Variants in FAR2 observed in about 807,000 individuals in gnomAD.
FAR2 encodes the protein epididymis secretory protein Li 81.
A neutral mutation model predicts 56.0 loss-of-function variants in FAR2; 19 were observed. That is an observed-to-expected ratio of 0.34 (90% CI 0.24 to 0.50). The LOEUF (loss-of-function observed/expected upper bound fraction) is 0.50. FAR2 is among the 20% of genes least tolerant of loss of function. The probability of loss-of-function intolerance (pLI) is 0.98; values close to 1 mark genes in which losing one functional copy is unlikely to be tolerated. For missense variants in FAR2, 508 were observed against 642.2 expected, an observed-to-expected ratio of 0.79 and a Z score of 2.26; for synonymous variants, 219 against 218.8, an observed-to-expected ratio of 1.00 and a Z score of -0.01.
chr12:29,150,287 G>GGTTGA (rs1323766826), intron 1 of FAR2, among the ~76,000 whole-genome samples: 1 of 152,186 alleles, frequency 6.6e-6, no homozygotes. Flanking sequence ...TTTCTTCCAC[G>GGTTGA]GTTGAGTTAT....
chr12:29,150,964 C>G (rs982012131), intron 1 of FAR2, among the ~76,000 whole-genome samples: 1 of 152,046 alleles, frequency 6.6e-6, no homozygotes, highest in Non-Finnish European at 1.5e-5. Flanking sequence ...ATGTGACATC[C>G]AGTTACAGAG....
chr12:29,239,428 A>G (rs1947990896), intron 1 of FAR2, among the ~76,000 whole-genome samples: 1 of 149,400 alleles, frequency 6.7e-6, no homozygotes, highest in South Asian at 2.1e-4. Flanking sequence ...TATCTGGCCA[A>G]TGTGCCACAG....
chr12:29,165,635 C>T lies in FAR2; in HGVS notation c.-39+16228C>T, dbSNP rs144589440. Among the ~76,000 whole-genome samples, 212 of 152,174 alleles carry T rather than the reference C, an allele frequency of 1.4e-3. 1 individual carries two copies. The South Asian group carries it at 0.02, about 14-fold the overall frequency. ...TCTATTAAAAGTAGCATCATATTTG[C>T]CTGAAAATCAATGAAAAATGATTTT... is the stretch of plus-strand genomic sequence containing the variant. On this transcript the variant is annotated intron_variant, in intron 1 of 11. Transcript: ENST00000536681.
intron 2 of FAR2, among the ~76,000 whole-genome samples, chr12:29,286,176 T>C (rs922226077): frequency 6.6e-5 from 10 of 152,120 alleles, no homozygotes; most frequent in African/African-American, 1.9e-4. Flanking sequence ...TTTCCTATTA[T>C]TAGGGAACTA....
chr12:29,297,112 A>C lies in FAR2; in HGVS notation c.457A>C (p.Thr153Pro), dbSNP rs1184866050. 1 of 1,613,984 alleles carries C rather than the reference A, an allele frequency of 6.2e-7. No individual in the cohort carries two copies. Among genetic ancestry groups the C allele is most frequent in the Non-Finnish European group, 8.5e-7 (1 of 1,179,934 alleles). ...GCTGGAAGCCTTTATACATATCTCT[A>C]CTGCCTATTCAAATTGTAACCTGAA... The part of the protein sequence containing the change: ...PKLEAFIHIS[T>P]AYSNCNLKHI... Residue 153 changes from threonine to proline, a missense_variant, in exon 4 of 12, where the codon ACT (threonine) becomes CCT (proline). By Grantham distance (38) the Thr-to-Pro change is conservative (BLOSUM62 -1). Transcript: ENST00000536681.
At position 29,220,296 on chromosome 12, in the gene FAR2, C is replaced by T. The variant is rs982665025; in HGVS notation, c.-38-50116C>T. Among the ~76,000 whole-genome samples the T allele has an allele frequency of 3.3e-5, 5 of 152,178 alleles. No individual in the cohort carries two copies. In the East Asian group the frequency reaches 5.8e-4, roughly 18 times the overall value. The stretch of plus-strand genomic sequence containing the variant: ...GCATCACCCACTCAAAGCTCTTTCC[C>T]GGAGTACAGTGCAAGACTTAGTCTA... On this transcript the variant is annotated intron_variant, in intron 1 of 11. Coordinates refer to ENST00000536681, the MANE Select transcript of FAR2 (RefSeq NM_001271783.2).
Position 29,333,772 on chromosome 12 carries a change from C to T in FAR2, c.1526C>T (p.Ala509Val). ...TATAAATTCCTCTCCTACTTTAGAG[C>T]ATCCAGCACGCTCAAAGTTTAAGAG... ...FCYKFLSYFR[A>V]SSTLKV The change falls in exon 12 of 12, where the codon GCA becomes GTA. Residue 509 changes from alanine to valine, a missense_variant. Coordinates refer to ENST00000536681, the MANE Select transcript of FAR2 (RefSeq NM_001271783.2). 1 of 1,613,662 alleles carries T rather than the reference C, an allele frequency of 6.2e-7. No individual in the cohort carries two copies. Among genetic ancestry groups the T allele is most frequent in the South Asian group, 1.1e-5 (1 of 91,036 alleles).
intron 1 of FAR2, among the ~76,000 whole-genome samples, chr12:29,156,102 T>G (rs748332726): frequency 2.4e-4 from 37 of 151,760 alleles, no homozygotes; most frequent in Non-Finnish European, 3.8e-4. Context: ...GTGCAGGGTG[T>G]GGGGAGGTGG....
At chr12:29,200,968 CTG>C in intron 1 of FAR2, among the ~76,000 whole-genome samples, 1 of 152,234 alleles carries the variant, frequency 6.6e-6, no homozygotes, top group African/African-American at 2.4e-5. Flanking sequence ...AGGAGAATAT[CTG>C]TGTGTCAGTG....
At chr12:29,153,140 C>G (rs1223407579) in intron 1 of FAR2, among the ~76,000 whole-genome samples, 1 of 152,110 alleles carries the variant, frequency 6.6e-6, no homozygotes, top group Non-Finnish European at 1.5e-5. Context: ...AGATGTGTTC[C>G]CTATTTTTTT....
intron 9 of FAR2, among the ~76,000 whole-genome samples, chr12:29,321,385 C>T (rs991483462): frequency 6.6e-6 from 1 of 152,010 alleles, no homozygotes; most frequent in Non-Finnish European, 1.5e-5. Context: ...ATTAGCTGGG[C>T]CCCACTGCGC....
rs569028806 is a variant in FAR2, at chr12:29,321,743, G to C, written c.1128-52G>C. ...ATAATTTCTCATACATCCCTGTAGA[G>C]TGACAGGGAAGTGGTGCGCTGATAT... On this transcript the variant is annotated intron_variant, in intron 9 of 11. Transcript: ENST00000536681. 9.8e-5 allele frequency: 156 copies of C among 1,589,612 alleles called. 1 individual carries two copies. The African/African-American group carries it at 1.8e-3, about 18-fold the overall frequency.
chr12:29,185,601 A>T (rs1270135698), intron 1 of FAR2, among the ~76,000 whole-genome samples: 1 of 152,226 alleles, frequency 6.6e-6, no homozygotes, highest in Non-Finnish European at 1.5e-5. Flanking sequence ...ATCAAGACAA[A>T]AAAGGGAGTT....
chr12:29,328,026 A>G (rs1167171553), intron 10 of FAR2, among the ~76,000 whole-genome samples: 13 of 152,234 alleles, frequency 8.5e-5, no homozygotes, highest in Admixed American at 8.5e-4. Flanking sequence ...GCTAATATCC[A>G]GAATCTACAA....
At chr12:29,253,585 A>C (rs1393260486) in intron 1 of FAR2, among the ~76,000 whole-genome samples, 1 of 152,132 alleles carries the variant, frequency 6.6e-6, no homozygotes, top group Non-Finnish European at 1.5e-5. Flanking sequence ...TTGGCTTACT[A>C]TCCATTCAGT....
chr12:29,298,491 A>T (rs1408678426), intron 4 of FAR2, among the ~76,000 whole-genome samples: 1 of 152,176 alleles, frequency 6.6e-6, no homozygotes, highest in African/African-American at 2.4e-5. Flanking sequence ...CTGAGAATAG[A>T]TATTTTTGTC....
rs370047306 is a variant in FAR2, at chr12:29,192,943, A to G, written c.-39+43536A>G. Among the ~76,000 whole-genome samples, 20 of 152,316 alleles carry G rather than the reference A, an allele frequency of 1.3e-4. No individual in the cohort carries two copies. The East Asian group carries it at 3.5e-3, about 26-fold the overall frequency. ...ATATACAAATGTGTAATTATCATCCACACCGTACATATTAAGAGATGTCTT... is the reference window on the plus strand; with the variant it reads ...ATATACAAATGTGTAATTATCATCCGCACCGTACATATTAAGAGATGTCTT... On this transcript the variant is annotated intron_variant, in intron 1 of 11. Transcript: ENST00000536681.
intron 1 of FAR2, among the ~76,000 whole-genome samples, chr12:29,200,523 C>A (rs1947394508): frequency 6.6e-6 from 1 of 152,188 alleles, no homozygotes; most frequent in South Asian, 2.1e-4. Flanking sequence ...AGGTGCTTGA[C>A]CCCAGCCACT....
intron 2 of FAR2, 93 bp downstream of exon 2, chr12:29,270,731 G>A (rs77560129): frequency 1.8e-6 from 2 of 1,118,000 alleles, no homozygotes; most frequent in Non-Finnish European, 2.4e-6. Flanking sequence ...TTGCAAGTGG[G>A]GACCAGGCTA....
Sources: gnomAD v4.1 joint callset for allele counts (sites outside exome capture counted in the v4.1 genomes callset) on GRCh38, gnomAD v4.1.1 for gene constraint, MANE v1.5 for transcripts, NCBI Gene and HGNC (gene_info 2026-07-23, HGNC 2026-07-21) for gene names.